The following C8orf34 variants were observed in gnomAD, a reference collection of about 807,000 sequenced individuals.
The protein encoded by C8orf34 is uncharacterized protein C8orf34.
Under a neutral mutation model 68.3 loss-of-function variants are expected in C8orf34, and 65 were observed. The observed-to-expected ratio is 0.95, with a 90% CI of 0.78 to 1.17. C8orf34 has a LOEUF of 1.17. Among genes scored for constraint, C8orf34 ranks in the 50% most tolerant of loss-of-function variants. The pLI is 0.00. For missense variants in C8orf34, 664 were observed against 655.4 expected (o/e 1.01, Z -0.14); for synonymous variants, 244 against 241.2 (o/e 1.01, Z -0.11).
At chr8:68,716,176 G>C (rs1010665250) in intron 9 of C8orf34, among the ~76,000 whole-genome samples, 23 of 151,792 alleles carry the variant, frequency 1.5e-4, no homozygotes, top group African/African-American at 5.3e-4. Context: ...AAAGGGTGGG[G>C]GTGGTGAAGG....
At chr8:68,770,462 A>G (rs1340032011) in intron 10 of C8orf34, among the ~76,000 whole-genome samples, 3 of 152,240 alleles carry the variant, frequency 2.0e-5, no homozygotes, top group African/African-American at 7.2e-5. Flanking sequence ...TCTAGAGTCA[A>G]TTGACCAATA....
intron 1 of C8orf34, among the ~76,000 whole-genome samples, chr8:68,419,234 C>A (rs1196314181): frequency 6.7e-6 from 1 of 149,174 alleles, no homozygotes; most frequent in Non-Finnish European, 1.5e-5. Flanking sequence ...AAAATGCTCA[C>A]CATCACTGGC....
chr8:68,766,690 A>G (rs1823186658), intron 10 of C8orf34, among the ~76,000 whole-genome samples: 1 of 152,234 alleles, frequency 6.6e-6, no homozygotes, highest in Non-Finnish European at 1.5e-5. Flanking sequence ...GGAGATTTGT[A>G]AAATTTCACT....
intron 8 of C8orf34, among the ~76,000 whole-genome samples, chr8:68,701,838 C>T (rs762158047): frequency 3.3e-5 from 5 of 151,948 alleles, no homozygotes; most frequent in African/African-American, 4.8e-5. Flanking sequence ...CAAGCCACTC[C>T]GGTCATTGGC....
At chr8:68,745,438 G>C (rs955404155) in intron 10 of C8orf34, among the ~76,000 whole-genome samples, 2 of 152,082 alleles carry the variant, frequency 1.3e-5, no homozygotes, top group Non-Finnish European at 2.9e-5. Context: ...ACACACACTG[G>C]CAAATTGGAT....
At chr8:68,801,258 A>G (rs535709732) in intron 12 of C8orf34, among the ~76,000 whole-genome samples, 2 of 152,352 alleles carry the variant, frequency 1.3e-5, no homozygotes, top group Admixed American at 1.3e-4. Flanking sequence ...ATCTTTTAAC[A>G]AAAATAAATT....
At chr8:68,408,619 C>T (rs1586073823) in intron 1 of C8orf34, among the ~76,000 whole-genome samples, 1 of 152,198 alleles carries the variant, frequency 6.6e-6, no homozygotes, top group Non-Finnish European at 1.5e-5. Context: ...TGTCATGCAC[C>T]ACATAGTGAC....
At chr8:68,489,224 G>A (rs1323537549) in intron 5 of C8orf34, among the ~76,000 whole-genome samples, 1 of 152,156 alleles carries the variant, frequency 6.6e-6, no homozygotes, top group Non-Finnish European at 1.5e-5. Flanking sequence ...CAGATGTGTA[G>A]CTGGAAAGAG....
At chr8:68,435,279 T>G (rs533140539) in intron 1 of C8orf34, among the ~76,000 whole-genome samples, 2,419 of 151,772 alleles carry the variant, frequency 0.016, 84 homozygotes, top group African/African-American at 0.054. Flanking sequence ...AGTATATCAC[T>G]AAGAGTTAAG....
chr8:68,344,038 A>G (rs1476357673), intron 1 of C8orf34, among the ~76,000 whole-genome samples: 2 of 152,168 alleles, frequency 1.3e-5, no homozygotes, highest in Admixed American at 6.6e-5. Context: ...TAGATATGCA[A>G]CTACCAAATA....
chr8:68,700,362 T>C (rs1820975994), intron 8 of C8orf34, among the ~76,000 whole-genome samples: 1 of 151,984 alleles, frequency 6.6e-6, no homozygotes, highest in African/African-American at 2.4e-5. Context: ...CAAGTTGGAA[T>C]GATCAAGGAT....
intron 10 of C8orf34, among the ~76,000 whole-genome samples, chr8:68,752,737 T>A (rs952918004): frequency 3.9e-5 from 6 of 152,184 alleles, no homozygotes; most frequent in Non-Finnish European, 8.8e-5. Context: ...GTTGTGTATA[T>A]AATGGGTGAC....
intron 7 of C8orf34, among the ~76,000 whole-genome samples, chr8:68,594,945 T>A (rs942047813): frequency 6.6e-6 from 1 of 152,008 alleles, no homozygotes; most frequent in Non-Finnish European, 1.5e-5. Context: ...TTATTTTTAC[T>A]TTATGGTATT....
At chr8:68,627,521 C>T (rs2130675884) in intron 7 of C8orf34, among the ~76,000 whole-genome samples, 1 of 152,290 alleles carries the variant, frequency 6.6e-6, no homozygotes, top group South Asian at 2.1e-4. Flanking sequence ...TCTGTCAAAC[C>T]TTCACAGGGT....
At chr8:68,588,239 T>G (rs1273736840) in intron 7 of C8orf34, among the ~76,000 whole-genome samples, 1 of 152,112 alleles carries the variant, frequency 6.6e-6, no homozygotes, top group Non-Finnish European at 1.5e-5. Flanking sequence ...TTCTTTTACA[T>G]GTTAAGACAC....
In C8orf34 at chr8:68,650,629, G is replaced by A. The variant is rs574227730; in HGVS notation, c.1241+10118G>A. ...CAAGTAGCTGGGACTACAGGCGCCCGCCACCACGCCCGGCTAATTTTTTGT... is the reference window on the plus strand; with the variant it reads ...CAAGTAGCTGGGACTACAGGCGCCCACCACCACGCCCGGCTAATTTTTTGT... On this transcript the variant is annotated intron_variant, in intron 8 of 13. Coordinates refer to ENST00000518698, the MANE Select transcript of C8orf34 (RefSeq NM_052958.4). 4.0e-5 allele frequency among the ~76,000 whole-genome samples: 6 copies of A among 151,702 alleles called. No individual in the cohort carries two copies. The East Asian group carries it at 5.8e-4, about 15-fold the overall frequency.
chr8:68,567,621 G>T (rs1586385416), intron 7 of C8orf34, among the ~76,000 whole-genome samples: 1 of 84,908 alleles, frequency 1.2e-5, no homozygotes, highest in Non-Finnish European at 2.1e-5. Flanking sequence ...TTGAGGAGGA[G>T]TCTTGCTCTG....
chr8:68,713,857 C>T (rs1417836270), intron 9 of C8orf34, among the ~76,000 whole-genome samples: 3 of 152,080 alleles, frequency 2.0e-5, no homozygotes, highest in African/African-American at 7.2e-5. Flanking sequence ...AACTACAGAC[C>T]AGTATCCTTG....
At chr8:68,502,914 T>C (rs994005087) in intron 5 of C8orf34, among the ~76,000 whole-genome samples, 1 of 152,138 alleles carries the variant, frequency 6.6e-6, no homozygotes. Context: ...TTAATCCAGA[T>C]CTAACTACCA....
Sources: gnomAD v4.1 joint callset for allele counts (sites outside exome capture counted in the v4.1 genomes callset) on GRCh38, gnomAD v4.1.1 for gene constraint, MANE v1.5 for transcripts, NCBI Gene and HGNC (gene_info 2026-07-23, HGNC 2026-07-21) for gene names.